TET1: variants seen among roughly 807,000 people sequenced by gnomAD.
TET1 encodes methylcytosine dioxygenase TET1.
Under a neutral mutation model 148.7 loss-of-function variants are expected in TET1, and 13 were observed. That is an observed-to-expected ratio of 0.09 (90% CI 0.06 to 0.14). The LOEUF is 0.14. Among genes scored for constraint, TET1 ranks in the 10% least tolerant of loss-of-function variants. TET1 has a pLI of 1.00. For missense variants in TET1, 2,182 were observed against 2,553.8 expected, an observed-to-expected ratio of 0.85 and a Z score of 3.14; for synonymous variants, 907 against 937.2, an observed-to-expected ratio of 0.97 and a Z score of 0.59.
chr10:68,602,402 A>T (rs2054068902), intron 3 of TET1, among the ~76,000 whole-genome samples: 1 of 152,168 alleles, frequency 6.6e-6, no homozygotes, highest in African/African-American at 2.4e-5. Flanking sequence ...ATTTTGTGAA[A>T]AATAGATTTA....
chr10:68,579,935 T>C (rs2053773264), intron 2 of TET1, among the ~76,000 whole-genome samples: 1 of 151,756 alleles, frequency 6.6e-6, no homozygotes, highest in African/African-American at 2.4e-5. Context: ...CCTTCTTCTT[T>C]TTTTTTTTTT....
chr10:68,637,604 C>T (rs1260745500), intron 3 of TET1, among the ~76,000 whole-genome samples: 1 of 145,476 alleles, frequency 6.9e-6, no homozygotes, highest in African/African-American at 2.5e-5. Context: ...TGGCTTACTG[C>T]AACCTCTGCC....
At chr10:68,627,364 C>T (rs2054499920) in intron 3 of TET1, among the ~76,000 whole-genome samples, 1 of 151,832 alleles carries the variant, frequency 6.6e-6, no homozygotes, top group South Asian at 2.1e-4. Context: ...GAGCCAAGCT[C>T]ACGCCACCGT....
chr10:68,611,887 A>G (rs1232253948), intron 3 of TET1, among the ~76,000 whole-genome samples: 85 of 102,844 alleles, frequency 8.3e-4, no homozygotes, highest in African/African-American at 1.2e-3. Context: ...AGAGGGAGGG[A>G]GGGGAGAAAG....
At chr10:68,639,353 C>T (rs999865074) in intron 3 of TET1, among the ~76,000 whole-genome samples, 3 of 151,748 alleles carry the variant, frequency 2.0e-5, no homozygotes, top group South Asian at 2.1e-4. Flanking sequence ...AGCTGGGAGA[C>T]GGAGGTTGCA....
chr10:68,688,076 C>T (rs1484922179), intron 11 of TET1, among the ~76,000 whole-genome samples: 1 of 152,120 alleles, frequency 6.6e-6, no homozygotes, highest in Non-Finnish European at 1.5e-5. Flanking sequence ...GCGTGCACCA[C>T]ACCTGGCTCT....
chr10:68,619,517 C>G (rs1221786343), intron 3 of TET1, among the ~76,000 whole-genome samples: 1 of 152,140 alleles, frequency 6.6e-6, no homozygotes, highest in Admixed American at 6.6e-5. Context: ...CACCCAACCA[C>G]GCCCATTCAT....
chr10:68,619,315 C>A (rs982153925), intron 3 of TET1, among the ~76,000 whole-genome samples: 1 of 152,082 alleles, frequency 6.6e-6, no homozygotes, highest in Non-Finnish European at 1.5e-5. Flanking sequence ...CTGTAACCTC[C>A]GCCTCCCGGG....
intron 10 of TET1, 81 bp downstream of exon 10, chr10:68,683,054 C>CAGTA: frequency 7.0e-7 from 1 of 1,436,660 alleles, no homozygotes; most frequent in Non-Finnish European, 9.4e-7. Flanking sequence ...ACTGTGATGA[C>CAGTA]TATTACTGTG....
chr10:68,589,873 T>TA (rs2053900136), intron 2 of TET1, among the ~76,000 whole-genome samples: 1 of 151,956 alleles, frequency 6.6e-6, no homozygotes, highest in Non-Finnish European at 1.5e-5. Flanking sequence ...GGCTTCACTG[T>TA]GTTGGCCAGG....
intron 3 of TET1, among the ~76,000 whole-genome samples, chr10:68,624,346 A>C (rs1321779808): frequency 6.7e-6 from 1 of 149,638 alleles, no homozygotes; most frequent in Non-Finnish European, 1.5e-5. Context: ...CTGGAGTGCA[A>C]TGGCGCTATC....
At chr10:68,613,962 T>G (rs2795875) in intron 3 of TET1, among the ~76,000 whole-genome samples, 42,694 of 151,674 alleles carry the variant, frequency 0.28, 6,609 homozygotes, top group African/African-American at 0.4. Context: ...AAAATTGCTG[T>G]TTAAAGTATT....
intron 6 of TET1, among the ~76,000 whole-genome samples, chr10:68,660,280 C>T (rs756208116): frequency 1.3e-5 from 2 of 151,650 alleles, no homozygotes; most frequent in East Asian, 1.9e-4. Flanking sequence ...TGGATACTTC[C>T]GCTTAGTTTG....
At chr10:68,675,209 A>T (rs2133202695) in intron 8 of TET1, 1 of 244,024 alleles carries the variant, frequency 4.1e-6, no homozygotes, top group Middle Eastern at 1.4e-3. Flanking sequence ...ATTCAAGGAA[A>T]ATGCATATTA....
intron 3 of TET1, among the ~76,000 whole-genome samples, chr10:68,626,456 C>G (rs2054484169): frequency 6.6e-6 from 1 of 152,048 alleles, no homozygotes; most frequent in Admixed American, 6.6e-5. Context: ...CTGCCTCAGC[C>G]TCCGAAAGTG....
rs56047246 is a variant in TET1, at chr10:68,661,880, C to CTTTT, written c.4462-5152_4462-5149dup. Among the ~76,000 whole-genome samples the CTTTT allele has an allele frequency of 6.8e-4, 76 of 111,124 alleles. 4 individuals are homozygous for CTTTT. Among genetic ancestry groups the CTTTT allele is most frequent in the Non-Finnish European group, 9.7e-4 (51 of 52,444 alleles). 72.9% of individuals were successfully genotyped at this position (111,124 alleles called of 152,430 possible). A position where few individuals can be genotyped will look rare whatever the true frequency, so the allele number is the denominator to read the frequency against. On this transcript the variant is annotated intron_variant, in intron 6 of 11. Coordinates refer to ENST00000373644, the MANE Select transcript of TET1 (RefSeq NM_030625.3). Reference sequence around the variant, plus strand: ...TTTTAATTTAAAAAAAATTTTTTTTCTTTTTTTTTTTTTTTTGTGAGATGG... The same window carrying CTTTT: ...TTTTAATTTAAAAAAAATTTTTTTTCTTTTTTTTTTTTTTTTTTTTGTGAGATGG...
At chr10:68,577,044 G>C (rs894181871) in intron 2 of TET1, among the ~76,000 whole-genome samples, 1 of 152,094 alleles carries the variant, frequency 6.6e-6, no homozygotes, top group African/African-American at 2.4e-5. Context: ...GAGTAGCTGT[G>C]ACTACAGGTG....
Position 68,584,577 on chromosome 10 carries a change from C to G in TET1, c.1914+10325C>G, listed in dbSNP as rs1370318114. Among the ~76,000 whole-genome samples the G allele has an allele frequency of 3.6e-3, 541 of 149,578 alleles. 2 individuals are homozygous for G. Among genetic ancestry groups the G allele is most frequent in the African/African-American group, 0.013 (524 of 40,894 alleles). ...TGCAAAAATTAGCCAGGCGTGGTGGCATGCACCTGTAATCCCAGCTATGAG... is the reference window on the plus strand; with the variant it reads ...TGCAAAAATTAGCCAGGCGTGGTGGGATGCACCTGTAATCCCAGCTATGAG... On this transcript the variant is annotated intron_variant, in intron 2 of 11. Coordinates refer to ENST00000373644, the MANE Select transcript of TET1 (RefSeq NM_030625.3).
intron 6 of TET1, among the ~76,000 whole-genome samples, chr10:68,662,652 A>G (rs2055138899): frequency 6.6e-6 from 1 of 152,192 alleles, no homozygotes; most frequent in African/African-American, 2.4e-5. Context: ...CTGTAATCCC[A>G]GCACTTTGGG....
Sources: gnomAD v4.1 joint callset for allele counts (sites outside exome capture counted in the v4.1 genomes callset) on GRCh38, gnomAD v4.1.1 for gene constraint, MANE v1.5 for transcripts, NCBI Gene and HGNC (gene_info 2026-07-23, HGNC 2026-07-21) for gene names.